NUMB: variants seen among roughly 807,000 people sequenced by gnomAD.
NUMB encodes NUMB endocytic adaptor protein.
In NUMB, 29 loss-of-function variants were observed where a neutral mutation model predicts 59.7. The observed-to-expected ratio is 0.49, with a 90% CI of 0.36 to 0.66. The LOEUF (loss-of-function observed/expected upper bound fraction) is 0.66. NUMB is among the 30% of genes least tolerant of loss of function. The probability of loss-of-function intolerance (pLI) is 0.00; values close to 1 mark genes in which losing one functional copy is unlikely to be tolerated. For missense variants in NUMB, 723 were observed against 822.0 expected (o/e 0.88, Z 1.47); for synonymous variants, 288 against 288.2 (o/e 1.00, Z 0.01).
chr14:73,294,950 T>TTAAAAAAAAAAAAAAAAAA (rs1419411157), intron 7 of NUMB, among the ~76,000 whole-genome samples: 4 of 24,386 alleles, frequency 1.6e-4, no homozygotes, highest in African/African-American at 2.2e-4. Flanking sequence ...AACCCATCTC[T>TTAAAAAAAAAAAAAAAAAA]AAAAAAAAAA....
rs752154048 is a variant in NUMB, at chr14:73,445,354, C to CAAAAAAAAAAAAAA, written c.-233+13125_-233+13138dup. On this transcript the variant is annotated intron_variant, in intron 1 of 12. Transcript: ENST00000555238. ...TGAGTGACAAAGTGAGACCCTGTCTCAAAAAAAAAAAAAAAAAAAAAAAAA... is the reference window on the plus strand; with the variant it reads ...TGAGTGACAAAGTGAGACCCTGTCTCAAAAAAAAAAAAAAAAAAAAAAAAAAAAAAAAAAAAAAA... Among the ~76,000 whole-genome samples the CAAAAAAAAAAAAAA allele has an allele frequency of 6.6e-4, 38 of 57,574 alleles. 5 individuals are homozygous for CAAAAAAAAAAAAAA. Among genetic ancestry groups the CAAAAAAAAAAAAAA allele is most frequent in the South Asian group, 1.5e-3 (2 of 1,364 alleles). The allele number at this position is 57,574 out of a possible 152,430, so 37.8% of individuals were successfully genotyped here.
chr14:73,377,476 C>T (rs765816126), intron 2 of NUMB, among the ~76,000 whole-genome samples: 2 of 151,108 alleles, frequency 1.3e-5, no homozygotes, highest in Non-Finnish European at 2.9e-5. Flanking sequence ...CCCATCTCTA[C>T]TAAAAATACA....
At chr14:73,350,306 T>C (rs898603821) in intron 4 of NUMB, among the ~76,000 whole-genome samples, 1 of 151,112 alleles carries the variant, frequency 6.6e-6, no homozygotes, top group African/African-American at 2.4e-5. Flanking sequence ...CCCGAGTAGC[T>C]GGGGTTACAG....
At chr14:73,422,684 G>T (rs1289863057) in intron 1 of NUMB, among the ~76,000 whole-genome samples, 1 of 151,830 alleles carries the variant, frequency 6.6e-6, no homozygotes, top group Non-Finnish European at 1.5e-5. Flanking sequence ...CAGGGGAAAG[G>T]GGGTGGGGAC....
intron 2 of NUMB, chr14:73,409,660 A>G (rs1346387144): frequency 6.6e-6 from 1 of 152,268 alleles, no homozygotes; most frequent in Admixed American, 6.5e-5. Context: ...ACAGCAATAG[A>G]TAACTGCAAC....
At chr14:73,347,976 G>C (rs41499146) in intron 4 of NUMB, among the ~76,000 whole-genome samples, 23,822 of 152,156 alleles carry the variant, frequency 0.16, 2,699 homozygotes, top group Non-Finnish European at 0.23. Flanking sequence ...TTCTTGGTCA[G>C]TGAGGATCTG....
intron 2 of NUMB, among the ~76,000 whole-genome samples, chr14:73,386,864 C>CTTTTTTTT (rs1566773800): frequency 2.0e-4 from 15 of 73,794 alleles, no homozygotes; most frequent in East Asian, 1.6e-3. Flanking sequence ...TATCAGGTGT[C>CTTTTTTTT]TTATTTTTTT....
chr14:73,353,784 C>T (rs1893610845), intron 4 of NUMB, among the ~76,000 whole-genome samples: 1 of 151,704 alleles, frequency 6.6e-6, no homozygotes, highest in African/African-American at 2.4e-5. Flanking sequence ...GTAATTTATA[C>T]TCCAAGCAAC....
chr14:73,337,137 A>T (rs1892366551), intron 4 of NUMB, among the ~76,000 whole-genome samples: 2 of 146,356 alleles, frequency 1.4e-5, no homozygotes, highest in Admixed American at 6.8e-5. Context: ...CTCTGTCTTT[A>T]AAAAAAAAAA....
At chr14:73,398,390 C>CAGAGAGAG (rs1168339502) in intron 2 of NUMB, among the ~76,000 whole-genome samples, 1 of 118,134 alleles carries the variant, frequency 8.5e-6, no homozygotes, top group African/African-American at 4.4e-5. Flanking sequence ...GAGAGACACA[C>CAGAGAGAG]ACAGAGAGAG....
At chr14:73,352,743 C>T (rs944456676) in intron 4 of NUMB, among the ~76,000 whole-genome samples, 5 of 147,428 alleles carry the variant, frequency 3.4e-5, no homozygotes, top group East Asian at 2.0e-4. Flanking sequence ...GGGGTTTCAC[C>T]GTGTTAGCCA....
At chr14:73,454,266 A>G (rs1884198185) in intron 1 of NUMB, among the ~76,000 whole-genome samples, 1 of 152,166 alleles carries the variant, frequency 6.6e-6, no homozygotes, top group African/African-American at 2.4e-5. Context: ...GCAGAATTCA[A>G]GATCTATTCT....
At chr14:73,331,110 C>T (rs141716030) in intron 4 of NUMB, among the ~76,000 whole-genome samples, 2 of 152,300 alleles carry the variant, frequency 1.3e-5, no homozygotes, top group African/African-American at 4.8e-5. Context: ...AGTGCTAATT[C>T]TCTTGTTGTC....
At position 73,418,708 on chromosome 14, in the gene NUMB, T is replaced by A. The variant is rs564408100; in HGVS notation, c.-232-8640A>T. 2.6e-5 allele frequency among the ~76,000 whole-genome samples: 4 copies of A among 151,932 alleles called. No individual in the cohort carries two copies. In the East Asian group the frequency reaches 5.8e-4, roughly 22 times the overall value. On this transcript the variant is annotated intron_variant, in intron 1 of 12. Coordinates refer to ENST00000555238, the MANE Select transcript of NUMB (RefSeq NM_001005743.2). ...ATCGCTTGAACCCGGGAGGCGGAGGTTGCAGTGAGCCGAAACTGCGCCACT... is the reference window on the plus strand; with the variant it reads ...ATCGCTTGAACCCGGGAGGCGGAGGATGCAGTGAGCCGAAACTGCGCCACT...
intron 1 of NUMB, among the ~76,000 whole-genome samples, chr14:73,431,705 C>T (rs1308267118): frequency 1.3e-5 from 2 of 151,730 alleles, no homozygotes; most frequent in African/African-American, 4.8e-5. Context: ...GCTGAGATCA[C>T]GCCACTGCAC....
At chr14:73,416,561 G>A (rs1897135818) in intron 1 of NUMB, among the ~76,000 whole-genome samples, 2 of 152,060 alleles carry the variant, frequency 1.3e-5, no homozygotes, top group Admixed American at 6.6e-5. Flanking sequence ...GTATGTATAG[G>A]CTGAGGGCAG....
At chr14:73,369,617 C>G (rs1435073835) in intron 2 of NUMB, among the ~76,000 whole-genome samples, 1 of 152,138 alleles carries the variant, frequency 6.6e-6, no homozygotes, top group Non-Finnish European at 1.5e-5. Flanking sequence ...AATTTTTTGT[C>G]CACATCTCTT....
At chr14:73,351,041 G>C (rs938910150) in intron 4 of NUMB, among the ~76,000 whole-genome samples, 24 of 152,192 alleles carry the variant, frequency 1.6e-4, no homozygotes, top group African/African-American at 5.8e-4. Context: ...GCTGAGGATT[G>C]AAAAATTACC....
intron 2 of NUMB, among the ~76,000 whole-genome samples, chr14:73,401,664 G>A (rs112289998): frequency 0.16 from 23,570 of 147,836 alleles, 2,653 homozygotes; most frequent in Non-Finnish European, 0.23. Context: ...CCACCTCCCA[G>A]GTTCAAGTCA....
Sources: allele counts gnomAD v4.1 joint callset (sites outside exome capture counted in the v4.1 genomes callset), GRCh38; gene constraint gnomAD v4.1.1; transcripts MANE v1.5; gene names NCBI Gene and HGNC (gene_info 2026-07-23, HGNC 2026-07-21).